CIB4: variants seen among roughly 807,000 people sequenced by gnomAD.
The protein encoded by CIB4 is calcium and integrin-binding family member 4.
In CIB4, 25 loss-of-function variants were observed where a neutral mutation model predicts 25.8. The observed-to-expected ratio is 0.97, with a 90% CI of 0.71 to 1.35. The LOEUF (loss-of-function observed/expected upper bound fraction) is 1.35. Ranked by LOEUF, CIB4 falls within the 40% of genes most tolerant of loss-of-function variation. The pLI is 0.00. For missense variants in CIB4, 235 were observed against 228.2 expected (o/e 1.03, Z -0.19); for synonymous variants, 75 against 81.4 (o/e 0.92, Z 0.42).
At chr2:26,635,729 C>A (rs1370762654) in intron 2 of CIB4, among the ~76,000 whole-genome samples, 1 of 152,152 alleles carries the variant, frequency 6.6e-6, no homozygotes, top group South Asian at 2.1e-4. Flanking sequence ...CCAACCCTAA[C>A]ATATTCCACT....
At chr2:26,587,503 A>G (rs1668480956) in intron 4 of CIB4, among the ~76,000 whole-genome samples, 2 of 152,050 alleles carry the variant, frequency 1.3e-5, no homozygotes, top group Admixed American at 6.6e-5. Flanking sequence ...CATCTGTAAA[A>G]CGGGAGTAAT....
chr2:26,621,229 G>A (rs1669198121), intron 3 of CIB4, among the ~76,000 whole-genome samples: 1 of 83,944 alleles, frequency 1.2e-5, no homozygotes, highest in Non-Finnish European at 2.3e-5. Context: ...TAAAATAAAA[G>A]AGAAGAGTCT....
chr2:26,634,238 C>T (rs1669489034), intron 2 of CIB4, among the ~76,000 whole-genome samples: 1 of 152,190 alleles, frequency 6.6e-6, no homozygotes, highest in Non-Finnish European at 1.5e-5. Flanking sequence ...AGCTTTCTGG[C>T]TTCACCCCCA....
At chr2:26,604,499 G>A (rs1668852712) in intron 3 of CIB4, among the ~76,000 whole-genome samples, 1 of 152,116 alleles carries the variant, frequency 6.6e-6, no homozygotes, top group African/African-American at 2.4e-5. Context: ...CAAGCCAGAA[G>A]ACAATGGAGC....
intron 2 of CIB4, among the ~76,000 whole-genome samples, chr2:26,639,810 G>A (rs1046387900): frequency 6.6e-6 from 1 of 152,084 alleles, no homozygotes; most frequent in Non-Finnish European, 1.5e-5. Flanking sequence ...AAGATGATGA[G>A]AGGGAACCTT....
At chr2:26,625,100 G>A (rs1669275008) in intron 3 of CIB4, among the ~76,000 whole-genome samples, 1 of 152,108 alleles carries the variant, frequency 6.6e-6, no homozygotes, top group Non-Finnish European at 1.5e-5. Context: ...CACCACAAAA[G>A]AGAGTAAGAC....
chr2:26,601,231 A>AAAAAATATAT (rs1395827334), intron 3 of CIB4, among the ~76,000 whole-genome samples: 23 of 17,210 alleles, frequency 1.3e-3, no homozygotes, highest in African/African-American at 3.4e-3. Context: ...AAAAAAAAAA[A>AAAAAATATAT]ATATATATAT....
intron 2 of CIB4, 50 bp downstream of exon 2, chr2:26,640,483 C>G: frequency 6.3e-7 from 1 of 1,596,562 alleles, no homozygotes; most frequent in Non-Finnish European, 8.6e-7. Context: ...AAGAATCCAG[C>G]TCAGAGGGAG....
intron 2 of CIB4, among the ~76,000 whole-genome samples, chr2:26,631,574 A>G (rs1277439772): frequency 2.0e-5 from 3 of 152,188 alleles, no homozygotes; most frequent in African/African-American, 4.8e-5. Context: ...AGCCCTGACG[A>G]TGGTAGGTGG....
At chr2:26,582,987 G>T in intron 5 of CIB4, 74 bp from the exon 6 acceptor site, 1 of 992,628 alleles carries the variant, frequency 1.0e-6, no homozygotes, top group Non-Finnish European at 1.6e-6. Context: ...GGGTGGAGGG[G>T]GAAAGCCACA....
chr2:26,640,447 G>GGACCA (rs1217867629), intron 2 of CIB4, 86 bp downstream of exon 2: 55 of 1,414,504 alleles, frequency 3.9e-5, no homozygotes, highest in Non-Finnish European at 4.4e-5. Context: ...CCACACTCAG[G>GGACCA]GACCAGCGTG....
chr2:26,593,385 C>CACACACACATATAT (rs1373816727), intron 4 of CIB4, among the ~76,000 whole-genome samples: 1 of 151,304 alleles, frequency 6.6e-6, no homozygotes, highest in Non-Finnish European at 1.5e-5. Flanking sequence ...CACACATATA[C>CACACACACATATAT]ACACACACAT....
intron 4 of CIB4, 66 bp downstream of exon 4, chr2:26,595,110 G>T: frequency 6.7e-7 from 1 of 1,490,434 alleles, no homozygotes. Flanking sequence ...TGATGATGGA[G>T]TCCAGATACG....
chr2:26,639,872 G>A (rs1669602620), intron 2 of CIB4, among the ~76,000 whole-genome samples: 1 of 152,104 alleles, frequency 6.6e-6, no homozygotes. Flanking sequence ...TCATCTAACA[G>A]GTTTTGTTGG....
At chr2:26,632,767 A>G (rs1206827919) in intron 2 of CIB4, among the ~76,000 whole-genome samples, 2 of 151,808 alleles carry the variant, frequency 1.3e-5, no homozygotes, top group South Asian at 2.1e-4. Flanking sequence ...CAAAAAAAAA[A>G]AAAAAGAAAA....
intron 3 of CIB4, among the ~76,000 whole-genome samples, chr2:26,625,270 A>G (rs1166594339): frequency 6.6e-6 from 1 of 150,428 alleles, no homozygotes; most frequent in African/African-American, 2.4e-5. Context: ...GTTTACTTGT[A>G]TTGTGGAGAA....
At chr2:26,625,383 G>A (rs1613924) in intron 3 of CIB4, among the ~76,000 whole-genome samples, 94,550 of 141,560 alleles carry the variant, frequency 0.67, 31,579 homozygotes, top group African/African-American at 0.76. Flanking sequence ...ATGGAGTTTC[G>A]CCCTTGTTGC....
At chr2:26,583,049 C>T in intron 5 of CIB4, 136 bp from the exon 6 acceptor site, 1 of 606,254 alleles carries the variant, frequency 1.6e-6, no homozygotes, top group Non-Finnish European at 3.0e-6. Context: ...TCCCCTGACC[C>T]CAGTGACCCC....
intron 3 of CIB4, among the ~76,000 whole-genome samples, chr2:26,609,587 C>T (rs1668957557): frequency 6.6e-6 from 1 of 152,072 alleles, no homozygotes; most frequent in East Asian, 1.9e-4. Flanking sequence ...TCACTCCCAC[C>T]CCAGACAAAA....
Sources: allele counts gnomAD v4.1 joint callset (sites outside exome capture counted in the v4.1 genomes callset), GRCh38; gene constraint gnomAD v4.1.1; transcripts MANE v1.5; gene names NCBI Gene and HGNC (gene_info 2026-07-23, HGNC 2026-07-21).